Variants in SUV39H2 observed in about 807,000 individuals in gnomAD.
SUV39H2 encodes histone-lysine N-methyltransferase SUV39H2.
In SUV39H2, 10 loss-of-function variants were observed where a neutral mutation model predicts 47.5. The ratio of observed to expected loss-of-function variants is 0.21; its 90% CI spans 0.13 to 0.36. SUV39H2 has a LOEUF of 0.36. Ranked by LOEUF, SUV39H2 falls within the 10% of genes least tolerant of loss-of-function variation. The probability of loss-of-function intolerance (pLI) is 1.00; values close to 1 mark genes in which losing one functional copy is unlikely to be tolerated. For missense variants in SUV39H2, 266 were observed against 487.4 expected, an observed-to-expected ratio of 0.55 and a Z score of 4.28; for synonymous variants, 159 against 166.8, an observed-to-expected ratio of 0.95 and a Z score of 0.36.
chr10:14,893,189 G>A (rs1833450406), intron 2 of SUV39H2, among the ~76,000 whole-genome samples: 1 of 151,208 alleles, frequency 6.6e-6, no homozygotes, highest in Non-Finnish European at 1.5e-5. Context: ...ATTTTTAGTA[G>A]AGACGGGGTT....
intron 2 of SUV39H2, among the ~76,000 whole-genome samples, chr10:14,894,223 CTT>C (rs753387560): frequency 1.6e-4 from 21 of 132,820 alleles, no homozygotes; most frequent in East Asian, 4.3e-4. Flanking sequence ...TACATCTAGG[CTT>C]TTTTTTTTTT....
intron 2 of SUV39H2, among the ~76,000 whole-genome samples, chr10:14,893,857 C>A (rs1382782499): frequency 6.6e-6 from 1 of 152,176 alleles, no homozygotes; most frequent in African/African-American, 2.4e-5. Context: ...GAAATAACTT[C>A]AGTGGCAGAT....
At chr10:14,895,179 T>A (rs1019883496) in intron 2 of SUV39H2, among the ~76,000 whole-genome samples, 1 of 130,492 alleles carries the variant, frequency 7.7e-6, no homozygotes, top group East Asian at 2.1e-4. Context: ...TTTTTACTTT[T>A]ATTTTTTTTT....
rs910937853 is a variant in SUV39H2 at position 14,896,848 on chromosome 10, T to G, written c.180T>G (p.Asp60Glu). The change falls in exon 3 of 6, where the codon GAT (aspartate) becomes GAG (glutamate). Residue 60 changes from aspartate (D) to glutamate (E), a missense_variant and splice_region_variant. Around this residue, in one of 4 missense-constraint regions of SUV39H2, gnomAD observed 32 missense variants for 77.2 expected, o/e 0.41. Coordinates refer to ENST00000354919, the MANE Select transcript of SUV39H2 (RefSeq NM_001193424.2). ...EYLCDYKVVK[D>E]MEYYLVKWKG... ...TTTATTTTCTTTTGTATTTTAAGGA[T>G]ATGGAATATTATCTTGTAAAATGGA... 3.8e-6 allele frequency: 6 copies of G among 1,559,000 alleles called. No homozygotes were observed. Among genetic ancestry groups the G allele is most frequent in the Non-Finnish European group, 5.2e-6 (6 of 1,152,960 alleles).
At chr10:14,884,223 C>T (rs571327297) in intron 2 of SUV39H2, among the ~76,000 whole-genome samples, 21 of 152,278 alleles carry the variant, frequency 1.4e-4, no homozygotes, top group African/African-American at 5.1e-4. Flanking sequence ...CATATGGTGA[C>T]TCTGTGTTTA....
At chr10:14,881,308 G>C (rs561841217) in intron 1 of SUV39H2, among the ~76,000 whole-genome samples, 192 bp from the exon 2 acceptor site, 7 of 152,266 alleles carry the variant, frequency 4.6e-5, no homozygotes, top group Admixed American at 3.3e-4. Context: ...GAAAATCCAA[G>C]AACACCAATT....
intron 3 of SUV39H2, 67 bp downstream of exon 3, chr10:14,897,584 T>G: frequency 7.5e-7 from 1 of 1,328,118 alleles, no homozygotes; most frequent in Non-Finnish European, 1.0e-6. Context: ...AAATTACCTT[T>G]TTATCTCTTT....
At chr10:14,901,871 A>T (rs1053418909) in intron 5 of SUV39H2, among the ~76,000 whole-genome samples, 1 of 152,148 alleles carries the variant, frequency 6.6e-6, no homozygotes, top group African/African-American at 2.4e-5. Flanking sequence ...TTTTACTGAG[A>T]GATGTATATT....
At chr10:14,879,636 G>T (rs1314204891) in intron 1 of SUV39H2, among the ~76,000 whole-genome samples, 3 of 152,086 alleles carry the variant, frequency 2.0e-5, no homozygotes, top group Non-Finnish European at 4.4e-5. Flanking sequence ...TGGGCGTCGG[G>T]GGGTGTTGGT....
intron 2 of SUV39H2, among the ~76,000 whole-genome samples, chr10:14,882,794 G>T (rs1159304379): frequency 5.3e-5 from 8 of 150,648 alleles, no homozygotes; most frequent in Non-Finnish European, 1.2e-4. Flanking sequence ...ACCACCAGCT[G>T]TTCACACTTA....
chr10:14,884,390 TGTG>T (rs1833141034), intron 2 of SUV39H2, among the ~76,000 whole-genome samples: 1 of 152,254 alleles, frequency 6.6e-6, no homozygotes, highest in Non-Finnish European at 1.5e-5. Flanking sequence ...GGCATCTCAT[TGTG>T]GTTTTGATTT....
rs1834096194 is a variant in SUV39H2, at chr10:14,902,544, A to G, written c.*32A>G. On this transcript the variant is annotated 3_prime_UTR_variant, in exon 6 of 6. Transcript: ENST00000354919. ...TCAGGAAATAGAGCTGATGATTATAATATTTTTTTCCTAATGTTAACATTT... is the reference window on the plus strand; with the variant it reads ...TCAGGAAATAGAGCTGATGATTATAGTATTTTTTTCCTAATGTTAACATTT... The G allele has an allele frequency of 2.2e-6, 3 of 1,371,218 alleles. No homozygotes were observed. Among genetic ancestry groups the G allele is most frequent in the Admixed American group, 2.4e-5 (1 of 42,010 alleles). 84.9% of individuals were successfully genotyped at this position (1,371,218 alleles called of 1,614,324 possible).
chr10:14,881,792 T>G (rs1315594555), intron 2 of SUV39H2, 147 bp downstream of exon 2: 7 of 696,208 alleles, frequency 1.0e-5, no homozygotes, highest in Non-Finnish European at 1.5e-5. Flanking sequence ...CTATCATCTG[T>G]GTTGCCAAAT....
At chr10:14,901,682 C>A (rs11259384) in intron 5 of SUV39H2, among the ~76,000 whole-genome samples, 11,920 of 151,624 alleles carry the variant, frequency 0.079, 901 homozygotes, top group East Asian at 0.27. Context: ...TATGAAAAAA[C>A]TAGCCGGGCG....
chr10:14,882,890 A>G (rs1048675404), intron 2 of SUV39H2, among the ~76,000 whole-genome samples: 1 of 145,462 alleles, frequency 6.9e-6, no homozygotes, highest in Non-Finnish European at 1.5e-5. Context: ...TTAAAGGCCC[A>G]GAGTCTCGCT....
At chr10:14,892,451 C>T (rs1460976870) in intron 2 of SUV39H2, among the ~76,000 whole-genome samples, 1 of 152,192 alleles carries the variant, frequency 6.6e-6, no homozygotes, top group Non-Finnish European at 1.5e-5. Flanking sequence ...ACAGATCCAT[C>T]TTTTCACTAT....
At chr10:14,879,684 G>C (rs1832984250) in intron 1 of SUV39H2, 1 of 152,114 alleles carries the variant, frequency 6.6e-6, no homozygotes, top group Non-Finnish European at 1.5e-5. Flanking sequence ...TTTTCCGTGC[G>C]TTCCGGAATG....
At chr10:14,894,659 G>GTAAT (rs1833507264) in intron 2 of SUV39H2, among the ~76,000 whole-genome samples, 2 of 57,434 alleles carry the variant, frequency 3.5e-5, no homozygotes, top group Non-Finnish European at 2.9e-5. Context: ...GAGCCACCGC[G>GTAAT]CCCGGCCGCA....
intron 5 of SUV39H2, among the ~76,000 whole-genome samples, chr10:14,901,560 T>TA (rs1242478272): frequency 2.0e-5 from 3 of 151,910 alleles, no homozygotes; most frequent in South Asian, 4.2e-4. Flanking sequence ...TTTTTTTTTT[T>TA]AAATTGTGGG....
Sources: allele counts gnomAD v4.1 joint callset (sites outside exome capture counted in the v4.1 genomes callset), GRCh38; gene constraint gnomAD v4.1.1; regional missense constraint gnomAD v4.1.1; transcripts MANE v1.5; gene names NCBI Gene and HGNC (gene_info 2026-07-23, HGNC 2026-07-21).